The following KAT6A variants were observed in gnomAD, a reference collection of about 807,000 sequenced individuals.
KAT6A encodes the protein lysine acetyltransferase 6A, also known as histone acetyltransferase KAT6A.
In KAT6A, 9 loss-of-function variants were observed where a neutral mutation model predicts 198.4. That is an observed-to-expected ratio of 0.05 (90% CI 0.03 to 0.08). The LOEUF (loss-of-function observed/expected upper bound fraction) is 0.08. Among genes scored for constraint, KAT6A ranks in the 10% least tolerant of loss-of-function variants. The pLI, the probability that KAT6A is intolerant of heterozygous loss-of-function variation, is 1.00. For synonymous variants in KAT6A, 890 were observed against 883.0 expected, an observed-to-expected ratio of 1.01 and a Z score of -0.14; for missense variants, 2,077 against 2,509.9, an observed-to-expected ratio of 0.83 and a Z score of 3.69.
intron 16 of KAT6A, among the ~76,000 whole-genome samples, chr8:41,935,098 T>C (rs1272715662): frequency 9.9e-5 from 15 of 152,234 alleles, no homozygotes; most frequent in Admixed American, 6.5e-5. Flanking sequence ...GTCAACATTA[T>C]GTTATCAGAC....
intron 2 of KAT6A, among the ~76,000 whole-genome samples, chr8:42,037,072 T>G (rs1043499169): frequency 1.3e-5 from 2 of 152,160 alleles, no homozygotes; most frequent in African/African-American, 4.8e-5. Context: ...CAACCCCAGC[T>G]GCACATCAGA....
chr8:42,006,995 C>CAAAAAAA, intron 2 of KAT6A, among the ~76,000 whole-genome samples: 1 of 88,196 alleles, frequency 1.1e-5, no homozygotes. Flanking sequence ...GACTCCATCT[C>CAAAAAAA]AAAAAAAAAA....
At chr8:42,031,397 G>C (rs1023385930) in intron 2 of KAT6A, among the ~76,000 whole-genome samples, 5 of 151,956 alleles carry the variant, frequency 3.3e-5, no homozygotes, top group African/African-American at 1.2e-4. Context: ...TTTTCATCTA[G>C]AGGCTATAAA....
At chr8:41,945,100 T>C (rs1443795833) in intron 12 of KAT6A, among the ~76,000 whole-genome samples, 1 of 152,218 alleles carries the variant, frequency 6.6e-6, no homozygotes, top group African/African-American at 2.4e-5. Flanking sequence ...ATGATCTCTT[T>C]AGAACTGTGA....
At chr8:42,022,957 T>A (rs79256613) in intron 2 of KAT6A, among the ~76,000 whole-genome samples, 1,835 of 152,292 alleles carry the variant, frequency 0.012, 39 homozygotes, top group South Asian at 0.082. Flanking sequence ...TTAGACAATT[T>A]CATCATTGTG....
rs1207422923 is a variant in KAT6A at position 41,980,830 on chromosome 8, A to G, written c.907+16T>C. Reference sequence around the variant, plus strand: ...TCCTTTATATTCCCAGTTTTATTTCAGAAAGTATTTCTCACCTTTTGGCAT... The same window carrying G: ...TCCTTTATATTCCCAGTTTTATTTCGGAAAGTATTTCTCACCTTTTGGCAT... On this transcript the variant is annotated intron_variant, in intron 5 of 16. Transcript: ENST00000265713. 3 of 1,582,798 alleles carry G rather than the reference A, an allele frequency of 1.9e-6. No homozygotes were observed. Among genetic ancestry groups the G allele is most frequent in the Non-Finnish European group, 2.6e-6 (3 of 1,151,602 alleles).
chr8:42,013,125 T>C (rs1281287703), intron 2 of KAT6A, among the ~76,000 whole-genome samples: 1 of 151,902 alleles, frequency 6.6e-6, no homozygotes, highest in Non-Finnish European at 1.5e-5. Flanking sequence ...ATTGTGGTGA[T>C]TGGTTATATA....
intron 2 of KAT6A, among the ~76,000 whole-genome samples, chr8:42,013,013 GAAT>G (rs1276091733): frequency 2.0e-5 from 3 of 150,132 alleles, no homozygotes; most frequent in Non-Finnish European, 4.4e-5. Context: ...ATTATAGGGA[GAAT>G]AATAGCTCAG....
chr8:41,962,947 T>C (rs1823284776), intron 8 of KAT6A, among the ~76,000 whole-genome samples: 1 of 152,078 alleles, frequency 6.6e-6, no homozygotes. Flanking sequence ...TCCTTCAAGT[T>C]TTTGCTAAAT....
rs1407265241 is a variant in KAT6A at position 41,977,540 on chromosome 8, A to C, written c.1044-213T>G. ...GCCAGGAAGCCTACTTATAGTGCAA[A>C]GAATGACAGGCCAGGAGTCAGAAGA... On this transcript the variant is annotated intron_variant, in intron 6 of 16. Coordinates refer to ENST00000265713, the MANE Select transcript of KAT6A (RefSeq NM_006766.5). The C allele has an allele frequency of 1.8e-5, 8 of 443,716 alleles. No homozygotes were observed. The East Asian group carries it at 2.8e-4, about 15-fold the overall frequency. The allele number at this position is 443,716 out of a possible 1,614,324, so 27.5% of individuals were successfully genotyped here.
chr8:41,972,537 A>G (rs1443325291), intron 8 of KAT6A, among the ~76,000 whole-genome samples: 1 of 152,228 alleles, frequency 6.6e-6, no homozygotes, highest in Non-Finnish European at 1.5e-5. Flanking sequence ...AGGAGGACAC[A>G]GCACACCTGT....
intron 2 of KAT6A, among the ~76,000 whole-genome samples, chr8:42,036,763 C>G (rs750797415): frequency 8.5e-5 from 13 of 152,102 alleles, no homozygotes; most frequent in Non-Finnish European, 1.6e-4. Context: ...GTAACTTTCT[C>G]GCAACTATAT....
chr8:41,933,268 G>A lies in KAT6A; in HGVS notation c.4952C>T (p.Pro1651Leu), dbSNP rs144417514. The change falls in exon 17 of 17, where the codon CCG becomes CTG. Residue 1651 changes from proline (P) to leucine (L), a missense_variant. Physicochemically the swap from Pro to Leu is moderately conservative, Grantham distance 98. Transcript: ENST00000265713. The surrounding 1 kb of genome is among the most constrained non-coding windows in gnomAD (Gnocchi z 6.2). ...TGGCTGCTGTGGAGGCGGTGGTGGCGGCTGCTGCTGCTGGTTACTGGGAGG... is the reference window on the plus strand; with the variant it reads ...TGGCTGCTGTGGAGGCGGTGGTGGCAGCTGCTGCTGCTGGTTACTGGGAGG... ...ERPPSNQQQQ[P>L]PPPPPQQPQP... 1.7e-3 allele frequency: 2,711 copies of A among 1,565,254 alleles called. 3 individuals carry two copies. The highest frequency in any genetic ancestry group is 2.1e-3 in the Non-Finnish European group (2,438 of 1,161,378).
At chr8:41,976,476 A>G (rs1824059548) in intron 7 of KAT6A, among the ~76,000 whole-genome samples, 2 of 152,190 alleles carry the variant, frequency 1.3e-5, no homozygotes, top group Non-Finnish European at 2.9e-5. Context: ...AGCAGCCTGG[A>G]GCTGTGGTTC....
intron 5 of KAT6A, among the ~76,000 whole-genome samples, chr8:41,979,685 C>T (rs1587775050): frequency 6.6e-6 from 1 of 152,004 alleles, no homozygotes; most frequent in East Asian, 1.9e-4. Context: ...AAATTGAAGA[C>T]GTTTCAAAAA....
intron 14 of KAT6A, among the ~76,000 whole-genome samples, chr8:41,941,767 C>T (rs1286516620): frequency 6.6e-6 from 1 of 152,216 alleles, no homozygotes; most frequent in African/African-American, 2.4e-5. Context: ...GATAGAAAGC[C>T]TGGCAGTCTG....
chr8:41,945,082 A>T (rs1028290850), intron 12 of KAT6A, among the ~76,000 whole-genome samples: 1 of 152,176 alleles, frequency 6.6e-6, no homozygotes, highest in Non-Finnish European at 1.5e-5. Context: ...AATTACACAG[A>T]TCCCACAATG....
chr8:41,962,360 T>C (rs1370658731), intron 8 of KAT6A, among the ~76,000 whole-genome samples: 1 of 152,058 alleles, frequency 6.6e-6, no homozygotes. Flanking sequence ...AACTCCTAAA[T>C]CTTTTCCCCA....
intron 15 of KAT6A, 22 bp downstream of exon 15, chr8:41,940,820 G>C (rs1391507007): frequency 6.3e-7 from 1 of 1,588,678 alleles, no homozygotes; most frequent in Admixed American, 1.7e-5. Flanking sequence ...AGGAAGAGAA[G>C]ACCTGGAAAG....
Sources: gnomAD v4.1 joint callset for allele counts (sites outside exome capture counted in the v4.1 genomes callset) on GRCh38, gnomAD v4.1.1 for gene constraint, Gnocchi (gnomAD v3.1) non-coding constraint, MANE v1.5 for transcripts, NCBI Gene and HGNC (gene_info 2026-07-23, HGNC 2026-07-21) for gene names.